Variants in NAALADL2 observed in about 807,000 individuals in gnomAD.
NAALADL2 encodes inactive N-acetylated-alpha-linked acidic dipeptidase-like protein 2.
A neutral mutation model predicts 87.2 loss-of-function variants in NAALADL2; 76 were observed. The ratio of observed to expected loss-of-function variants is 0.87; its 90% CI spans 0.72 to 1.05. The LOEUF (loss-of-function observed/expected upper bound fraction) is 1.05. Among genes scored for constraint, NAALADL2 ranks in the 50% least tolerant of loss-of-function variants. The pLI is 0.00. For synonymous variants in NAALADL2, 354 were observed against 331.0 expected, an observed-to-expected ratio of 1.07 and a Z score of -0.75; for missense variants, 1,089 against 945.8, an observed-to-expected ratio of 1.15 and a Z score of -1.99.
rs540245856 is a variant in NAALADL2 at position 174,544,401 on chromosome 3, A to G, written c.-183-6168A>G. Among the ~76,000 whole-genome samples, 11 of 152,200 alleles carry G rather than the reference A, an allele frequency of 7.2e-5. No homozygotes were observed. In the South Asian group the frequency reaches 2.3e-3, roughly 32 times the overall value. On this transcript the variant is annotated intron_variant, in intron 1 of 3. Transcript: ENST00000434257. The stretch of plus-strand genomic sequence containing the variant: ...GTGAATATTGTTTGAACCAAAACAT[A>G]TGATTTTTTTTCTTTCTCATACATT...
chr3:175,396,591 A>G (rs1403263877), intron 5 of NAALADL2, among the ~76,000 whole-genome samples: 4 of 151,912 alleles, frequency 2.6e-5, no homozygotes, highest in Admixed American at 2.6e-4. Context: ...TGCACTAGAG[A>G]CGCCAGAAAT....
chr3:175,088,362 C>G (rs563993502), intron 1 of NAALADL2, among the ~76,000 whole-genome samples: 1 of 152,290 alleles, frequency 6.6e-6, no homozygotes, highest in East Asian at 1.9e-4. Flanking sequence ...AAATGTGTTT[C>G]TCTGAGCTGC....
At chr3:175,404,158 C>A (rs888491318) in intron 5 of NAALADL2, among the ~76,000 whole-genome samples, 5 of 152,032 alleles carry the variant, frequency 3.3e-5, no homozygotes, top group African/African-American at 1.2e-4. Context: ...CACTTTCTGG[C>A]AATATCTGAA....
At chr3:174,941,876 T>G (rs1738661894) in intron 1 of NAALADL2, among the ~76,000 whole-genome samples, 1 of 152,166 alleles carries the variant, frequency 6.6e-6, no homozygotes, top group Non-Finnish European at 1.5e-5. Context: ...CATTCCTTTA[T>G]TTTGAGCCTA....
chr3:174,506,326 A>G (rs1578045477), intron 1 of NAALADL2, among the ~76,000 whole-genome samples: 1 of 151,552 alleles, frequency 6.6e-6, no homozygotes, highest in Non-Finnish European at 1.5e-5. Context: ...GATTACAGGC[A>G]CCCACCACCA....
intron 1 of NAALADL2, among the ~76,000 whole-genome samples, chr3:174,876,500 C>T (rs1579310148): frequency 6.6e-6 from 1 of 152,210 alleles, no homozygotes; most frequent in Middle Eastern, 3.4e-3. Context: ...TAGAATTATA[C>T]GCATAGGTAG....
intron 1 of NAALADL2, among the ~76,000 whole-genome samples, chr3:175,058,379 G>A (rs372888127): frequency 7.2e-5 from 11 of 152,186 alleles, no homozygotes; most frequent in East Asian, 5.8e-4. Context: ...ACATAGCTAG[G>A]CCCTGGGCTC....
At chr3:175,554,333 T>G (rs1714920437) in intron 9 of NAALADL2, among the ~76,000 whole-genome samples, 1 of 152,136 alleles carries the variant, frequency 6.6e-6, no homozygotes, top group South Asian at 2.1e-4. Flanking sequence ...TGTGGCAGGA[T>G]TCACATTTTT....
At chr3:175,120,613 G>T (rs1389616319) in intron 2 of NAALADL2, among the ~76,000 whole-genome samples, 2 of 151,792 alleles carry the variant, frequency 1.3e-5, no homozygotes, top group East Asian at 3.9e-4. Context: ...ATAATTGCAT[G>T]TTACAATGGT....
At chr3:175,326,871 A>G (rs1442585207) in intron 5 of NAALADL2, among the ~76,000 whole-genome samples, 1 of 152,192 alleles carries the variant, frequency 6.6e-6, no homozygotes, top group South Asian at 2.1e-4. Flanking sequence ...CAACATGGTT[A>G]CTTTGGGGAT....
At chr3:175,134,629 T>TCTCC (rs1442931960) in intron 2 of NAALADL2, among the ~76,000 whole-genome samples, 1 of 152,092 alleles carries the variant, frequency 6.6e-6, no homozygotes, top group Non-Finnish European at 1.5e-5. Flanking sequence ...ATAGATGCTG[T>TCTCC]CTCCATTTTT....
chr3:175,216,591 G>T (rs2109312276), intron 2 of NAALADL2, among the ~76,000 whole-genome samples: 1 of 151,694 alleles, frequency 6.6e-6, no homozygotes, highest in Middle Eastern at 3.5e-3. Flanking sequence ...CAGAACTCTT[G>T]CCCTGTCTCA....
chr3:175,801,061 G>A (rs1372822392), intron 13 of NAALADL2, among the ~76,000 whole-genome samples: 1 of 152,074 alleles, frequency 6.6e-6, no homozygotes, highest in East Asian at 1.9e-4. Flanking sequence ...GAGAGGAAAT[G>A]GTGATCAAGA....
At chr3:175,069,547 C>G (rs1476879791) in intron 1 of NAALADL2, among the ~76,000 whole-genome samples, 1 of 150,160 alleles carries the variant, frequency 6.7e-6, no homozygotes, top group Non-Finnish European at 1.5e-5. Flanking sequence ...AATAGGAACA[C>G]TTTTACAGTG....
chr3:175,348,222 T>G (rs1763362986), intron 5 of NAALADL2, among the ~76,000 whole-genome samples: 1 of 152,114 alleles, frequency 6.6e-6, no homozygotes, highest in South Asian at 2.1e-4. Flanking sequence ...CAGCTAATTT[T>G]GTATTTTTAG....
At chr3:175,022,286 G>C (rs1333206708) in intron 1 of NAALADL2, among the ~76,000 whole-genome samples, 1 of 151,964 alleles carries the variant, frequency 6.6e-6, no homozygotes, top group Non-Finnish European at 1.5e-5. Flanking sequence ...TAATCATAGG[G>C]TACAAATAAA....
chr3:174,989,045 C>T (rs888852441), intron 1 of NAALADL2, among the ~76,000 whole-genome samples: 2 of 152,066 alleles, frequency 1.3e-5, no homozygotes, highest in Non-Finnish European at 2.9e-5. Flanking sequence ...CATCACATGG[C>T]CAAAGAAGTA....
chr3:175,092,403 C>T (rs573647026), intron 1 of NAALADL2, among the ~76,000 whole-genome samples: 11 of 151,796 alleles, frequency 7.2e-5, no homozygotes, highest in Non-Finnish European at 1.3e-4. Context: ...GAAAGAAATA[C>T]TGCTGTGATC....
intron 2 of NAALADL2, among the ~76,000 whole-genome samples, chr3:175,128,603 A>G (rs1449936110): frequency 2.6e-5 from 4 of 152,162 alleles, no homozygotes; most frequent in Non-Finnish European, 5.9e-5. Flanking sequence ...AAAATTGTGC[A>G]GTAGGTATAA....
Sources: gnomAD v4.1 joint callset for allele counts (sites outside exome capture counted in the v4.1 genomes callset) on GRCh38, gnomAD v4.1.1 for gene constraint, MANE v1.5 for transcripts, NCBI Gene and HGNC (gene_info 2026-07-23, HGNC 2026-07-21) for gene names.